The following ARHGAP32 variants were observed in gnomAD, a reference collection of about 807,000 sequenced individuals.
ARHGAP32 encodes the protein rho GTPase-activating protein 32.
In ARHGAP32, 51 loss-of-function variants were observed where a neutral mutation model predicts 186.5. That is an observed-to-expected ratio of 0.27 (90% CI 0.22 to 0.35). The LOEUF is 0.35. ARHGAP32 is among the 10% of genes least tolerant of loss of function. ARHGAP32 has a pLI of 1.00. For missense variants in ARHGAP32, 2,186 were observed against 2,623.5 expected (o/e 0.83, Z 3.64); for synonymous variants, 950 against 964.3 (o/e 0.99, Z 0.27).
chr11:129,231,290 A>G (rs1944855275), intron 1 of ARHGAP32, among the ~76,000 whole-genome samples: 1 of 152,160 alleles, frequency 6.6e-6, no homozygotes, highest in Non-Finnish European at 1.5e-5. Context: ...GTGGCTAATA[A>G]TTTTGTTTTC....
chr11:129,029,664 G>A (rs374116053), intron 11 of ARHGAP32, among the ~76,000 whole-genome samples: 2 of 151,884 alleles, frequency 1.3e-5, no homozygotes, highest in African/African-American at 4.8e-5. Context: ...TTAGCCGGGC[G>A]TGGTGCAGGC....
rs1013259053 is a variant in ARHGAP32, at chr11:129,106,523, T to C, written c.445-12816A>G. Among the ~76,000 whole-genome samples the C allele has an allele frequency of 2.6e-5, 4 of 151,240 alleles. No homozygotes were observed. The Admixed American group carries it at 2.6e-4, about 10-fold the overall frequency. ...ACAATAGACACTGGGGACTACTAGATAGGGGAGGGTGGCAGTGAGGAAAAG... is the reference window on the plus strand; with the variant it reads ...ACAATAGACACTGGGGACTACTAGACAGGGGAGGGTGGCAGTGAGGAAAAG... On this transcript the variant is annotated intron_variant, in intron 5 of 22. Coordinates refer to ENST00000682385, the MANE Select transcript of ARHGAP32 (RefSeq NM_001378024.1).
At chr11:129,121,874 T>A (rs1942539181) in intron 5 of ARHGAP32, among the ~76,000 whole-genome samples, 4 of 152,034 alleles carry the variant, frequency 2.6e-5, no homozygotes. Context: ...TTTAACAAAA[T>A]CTCAGGAGAG....
chr11:129,123,671 C>A lies in ARHGAP32; in HGVS notation c.360-141G>T. On this transcript the variant is annotated intron_variant, in intron 4 of 22. Transcript: ENST00000682385. The surrounding 1 kb of genome is among the most constrained non-coding windows in gnomAD (Gnocchi z 4.6). ...CATGCGCATGAGCCACACATATCCG[C>A]ACAAATCCTCTTAAAAATACACTGA... 2 of 788,242 alleles carry A rather than the reference C, an allele frequency of 2.5e-6. No individual in the cohort carries two copies. The highest frequency in any genetic ancestry group is 2.1e-6 in the Non-Finnish European group (1 of 485,836). The allele number at this position is 788,242 out of a possible 1,614,324, so 48.8% of individuals were successfully genotyped here. A position where few individuals can be genotyped will look rare whatever the true frequency, so the allele number is the denominator to read the frequency against.
intron 5 of ARHGAP32, among the ~76,000 whole-genome samples, chr11:129,108,769 TTGAA>T (rs1359846543): frequency 3.3e-5 from 5 of 152,178 alleles, no homozygotes; most frequent in Admixed American, 1.3e-4. Context: ...GATAGTGTCT[TTGAA>T]TGCACAATTT....
chr11:129,086,576 C>G (rs1284331519), intron 6 of ARHGAP32, among the ~76,000 whole-genome samples: 3 of 152,210 alleles, frequency 2.0e-5, no homozygotes, highest in East Asian at 1.9e-4. Flanking sequence ...AATCCCAGCA[C>G]TTTGGGAGGC....
At chr11:128,996,831 G>C (rs1946214733) in intron 12 of ARHGAP32, among the ~76,000 whole-genome samples, 1 of 152,022 alleles carries the variant, frequency 6.6e-6, no homozygotes, top group Non-Finnish European at 1.5e-5. Context: ...GCCCAGGCTG[G>C]AGTGCAGTGG....
At chr11:129,179,083 A>T (rs2135526732) in intron 1 of ARHGAP32, among the ~76,000 whole-genome samples, 1 of 151,716 alleles carries the variant, frequency 6.6e-6, no homozygotes, top group South Asian at 2.1e-4. Flanking sequence ...CAATGAACTC[A>T]AACAAATTTA....
chr11:129,023,713 T>A (rs1382147451), intron 11 of ARHGAP32: 2 of 182,730 alleles, frequency 1.1e-5, no homozygotes, highest in Non-Finnish European at 2.1e-5. Context: ...AAGTGCTGAA[T>A]TTCTAGATAA....
chr11:129,276,567 A>C (rs1055212902), intron 1 of ARHGAP32, among the ~76,000 whole-genome samples: 31 of 152,174 alleles, frequency 2.0e-4, no homozygotes, highest in Non-Finnish European at 7.4e-5. Flanking sequence ...TCTGCCTGCC[A>C]AAGCATTTGA....
At chr11:129,187,249 G>A (rs942079075) in intron 1 of ARHGAP32, among the ~76,000 whole-genome samples, 1 of 152,150 alleles carries the variant, frequency 6.6e-6, no homozygotes, top group Non-Finnish European at 1.5e-5. Context: ...TATGTTAAGT[G>A]AAATAAGCCA....
Position 129,078,433 on chromosome 11 carries a change from C to T in ARHGAP32, c.532-11565G>A, listed in dbSNP as rs922208588. 2.6e-5 allele frequency among the ~76,000 whole-genome samples: 4 copies of T among 152,190 alleles called. No homozygotes were observed. In the East Asian group the frequency reaches 7.7e-4, roughly 29 times the overall value. ...CCAAAAGATCACGTCAGCTCACCAG[C>T]AATGGATCCGAACAAAAACGAACTC... On this transcript the variant is annotated intron_variant, in intron 6 of 22. Coordinates refer to ENST00000682385, the MANE Select transcript of ARHGAP32 (RefSeq NM_001378024.1).
chr11:129,057,703 A>T (rs1003957808), intron 10 of ARHGAP32, among the ~76,000 whole-genome samples: 42 of 40,136 alleles, frequency 1.0e-3, no homozygotes, highest in African/African-American at 2.0e-3. Context: ...GCGTTTGATA[A>T]AAAAAAAAAA....
intron 11 of ARHGAP32, among the ~76,000 whole-genome samples, chr11:129,008,160 G>A (rs1350441439): frequency 6.6e-6 from 1 of 152,146 alleles, no homozygotes; most frequent in Non-Finnish European, 1.5e-5. Flanking sequence ...GCTTCTTTCA[G>A]CAATAGGAAG....
At chr11:129,082,669 T>A (rs892916058) in intron 6 of ARHGAP32, among the ~76,000 whole-genome samples, 1 of 151,916 alleles carries the variant, frequency 6.6e-6, no homozygotes, top group Non-Finnish European at 1.5e-5. Flanking sequence ...TTGGAAAAAT[T>A]CTTCCAGACA....
intron 1 of ARHGAP32, among the ~76,000 whole-genome samples, chr11:129,269,671 G>A (rs1200899843): frequency 6.6e-6 from 1 of 152,004 alleles, no homozygotes; most frequent in Non-Finnish European, 1.5e-5. Context: ...AGGTTACAAC[G>A]AGCTATGATC....
rs375519537 is a variant in ARHGAP32 at position 129,263,244 on chromosome 11, A to G, written c.-5+15902T>C. On this transcript the variant is annotated intron_variant, in intron 1 of 6. Coordinates refer to the ARHGAP32 transcript ENST00000525234. ...AGGAAAAATAAACTAGACAACATTAATATTAAAATGTTTGTATATCAAAGG... is the reference window on the plus strand; with the variant it reads ...AGGAAAAATAAACTAGACAACATTAGTATTAAAATGTTTGTATATCAAAGG... Among the ~76,000 whole-genome samples the G allele has an allele frequency of 8.0e-4, 122 of 152,314 alleles. 1 individual carries two copies. In the South Asian group the frequency reaches 0.024, roughly 31 times the overall value.
chr11:129,079,158 A>AGAGAAATCT (rs1286611331), intron 6 of ARHGAP32, among the ~76,000 whole-genome samples: 6 of 152,254 alleles, frequency 3.9e-5, no homozygotes, highest in African/African-American at 1.4e-4. Context: ...CCAAGAAATG[A>AGAGAAATCT]GAGAAATCTA....
At chr11:129,166,774 T>C (rs1293330315) in intron 1 of ARHGAP32, among the ~76,000 whole-genome samples, 1 of 147,708 alleles carries the variant, frequency 6.8e-6, no homozygotes, top group Admixed American at 6.7e-5. Flanking sequence ...GAAAACTGAT[T>C]CCAAAACTAC....
Sources: allele counts gnomAD v4.1 joint callset (sites outside exome capture counted in the v4.1 genomes callset), GRCh38; gene constraint gnomAD v4.1.1; non-coding constraint Gnocchi (gnomAD v3.1); transcripts MANE v1.5; gene names NCBI Gene and HGNC (gene_info 2026-07-23, HGNC 2026-07-21).